The following MRTFB variants were observed in gnomAD, a reference collection of about 807,000 sequenced individuals.
The protein encoded by MRTFB is myocardin-related transcription factor B.
In MRTFB, 29 loss-of-function variants were observed where a neutral mutation model predicts 104.2. The observed-to-expected ratio is 0.28, with a 90% CI of 0.21 to 0.38. The LOEUF is 0.38. MRTFB is among the 10% of genes least tolerant of loss of function. The pLI, the probability that MRTFB is intolerant of heterozygous loss-of-function variation, is 1.00. For missense variants in MRTFB, 1,270 were observed against 1,341.6 expected, an observed-to-expected ratio of 0.95 and a Z score of 0.83; for synonymous variants, 535 against 519.5, an observed-to-expected ratio of 1.03 and a Z score of -0.41.
At chr16:14,194,722 ATTATC>A (rs2040349954) in intron 3 of MRTFB, among the ~76,000 whole-genome samples, 1 of 132,932 alleles carries the variant, frequency 7.5e-6, no homozygotes, top group African/African-American at 3.0e-5. Flanking sequence ...TTTTTTTTTA[ATTATC>A]TTGTGGAAAG....
Position 14,246,744 on chromosome 16 carries a change from G to C in MRTFB, c.1484G>C (p.Arg495Pro), listed in dbSNP as rs756285133. The change falls in exon 12 of 17, where the codon CGT (arginine) becomes CCT (proline). Residue 495 changes from arginine (R) to proline (P), a missense_variant. Transcript: ENST00000571589. ...CCTACAGGAACCAGCAACGCAACCC[G>C]TGTGGAAAATGTTCATTCCCCTCTG... ...LPPTGTSNAT[R>P]VENVHSPLPI... 6.2e-7 allele frequency: 1 copy of C among 1,614,030 alleles called. No individual in the cohort carries two copies. Among genetic ancestry groups the C allele is most frequent in the African/African-American group, 1.3e-5 (1 of 74,922 alleles).
chr16:14,226,833 T>G lies in MRTFB; in HGVS notation c.694-7313T>G, dbSNP rs186923866. Reference sequence around the variant, plus strand: ...CTACAAAAAATAAAAATTAAAAAAATTAGCTGGGCATGGTGGCGTGCACCT... The same window carrying G: ...CTACAAAAAATAAAAATTAAAAAAAGTAGCTGGGCATGGTGGCGTGCACCT... On this transcript the variant is annotated intron_variant, in intron 8 of 16. Transcript: ENST00000571589. 4.1e-4 allele frequency among the ~76,000 whole-genome samples: 62 copies of G among 151,928 alleles called. 1 individual carries two copies. The East Asian group carries it at 9.5e-3, about 23-fold the overall frequency.
At chr16:14,112,681 T>C (rs910334896) in intron 2 of MRTFB, among the ~76,000 whole-genome samples, 2 of 152,248 alleles carry the variant, frequency 1.3e-5, no homozygotes, top group South Asian at 4.1e-4. Flanking sequence ...TTGCTGTTTC[T>C]GCTCCAGGCA....
At position 14,261,008 on chromosome 16, in the gene MRTFB, G is replaced by A. The variant is rs752930290; in HGVS notation, c.2864G>A (p.Arg955Gln). 1.4e-5 allele frequency: 23 copies of A among 1,613,938 alleles called. No homozygotes were observed. Among genetic ancestry groups the A allele is most frequent in the African/African-American group, 8.0e-5 (6 of 74,880 alleles). The change falls in exon 17 of 17, where the codon CGG (arginine) becomes CAG (glutamine). Residue 955 changes from arginine to glutamine, a missense_variant. Arg to Gln is a conservative substitution (Grantham distance 43). Transcript: ENST00000571589. ...ATGCCAGTGAATACAGTGGTGTCCC[G>A]GCCACCACCCCAAGTCCAAATGGCA... The part of the protein sequence containing the change: ...TTMPVNTVVS[R>Q]PPPQVQMAPP...
chr16:13,999,284 G>A, the MRTFB span, among the ~76,000 whole-genome samples: 13 of 151,940 alleles, frequency 8.6e-5, no homozygotes, highest in East Asian at 2.3e-3. Flanking sequence ...CCATATAACA[G>A]GTCGCTGCTT....
rs113935526 is a variant in MRTFB, at chr16:14,245,640, T to C, written c.1192T>C (p.Ser398Pro). Reference protein sequence around the residue: ...TPVRKPGPLPSSLDDLKVSEL... With the variant: ...TPVRKPGPLPPSLDDLKVSEL... ...TGTGAGAAAGCCAGGACCTCTGCCT[T>C]CTAGCCTGGATGACTTAAAGGTGAC... is the stretch of plus-strand genomic sequence containing the variant. Residue 398 changes from serine (S) to proline (P), a missense_variant, in exon 11 of 17, where the codon TCT becomes CCT. Ser to Pro is a moderately conservative substitution (Grantham distance 74). Coordinates refer to ENST00000571589, the MANE Select transcript of MRTFB (RefSeq NM_001308142.2). The C allele has an allele frequency of 5.6e-3, 8,977 of 1,613,624 alleles. 40 individuals carry two copies. The highest frequency in any genetic ancestry group is 6.6e-3 in the Non-Finnish European group (7,844 of 1,179,892).
chr16:14,031,169 A>G, the MRTFB span, among the ~76,000 whole-genome samples: 1 of 152,206 alleles, frequency 6.6e-6, no homozygotes. Flanking sequence ...AGGAGGGAGA[A>G]TCACTTGAGG....
chr16:14,192,313 G>GC (rs1283846215), intron 3 of MRTFB, among the ~76,000 whole-genome samples: 2 of 152,094 alleles, frequency 1.3e-5, no homozygotes, highest in African/African-American at 2.4e-5. Flanking sequence ...GTTTGAGGCT[G>GC]CAGTAAGCTG....
At chr16:14,066,427 C>T (rs1223008490), upstream of MRTFB, among the ~76,000 whole-genome samples, 4 of 151,826 alleles carry the variant, frequency 2.6e-5, no homozygotes, top group Non-Finnish European at 5.9e-5. Context: ...GTGCATGCCA[C>T]CACACCTGGC....
At chr16:14,050,784 G>C in the MRTFB span, among the ~76,000 whole-genome samples, 3 of 151,990 alleles carry the variant, frequency 2.0e-5, no homozygotes, top group Non-Finnish European at 4.4e-5. Context: ...ATAACACAGC[G>C]TACTCCAGGT....
chr16:14,200,944 CA>C, intron 3 of MRTFB: 1 of 1,438,782 alleles, frequency 7.0e-7, no homozygotes, highest in Non-Finnish European at 9.8e-7. Context: ...GTTTTTAAGA[CA>C]AAACACTGGA....
chr16:14,118,854 A>G (rs1247307092), intron 2 of MRTFB, among the ~76,000 whole-genome samples: 1 of 152,052 alleles, frequency 6.6e-6, no homozygotes, highest in East Asian at 1.9e-4. Flanking sequence ...TACTGTGTAT[A>G]TATTTCTGTG....
chr16:14,128,410 A>G (rs2037265284), intron 2 of MRTFB, among the ~76,000 whole-genome samples: 1 of 152,196 alleles, frequency 6.6e-6, no homozygotes, highest in Non-Finnish European at 1.5e-5. Flanking sequence ...GACAACTGAA[A>G]TAACCGTTAC....
intron 9 of MRTFB, among the ~76,000 whole-genome samples, chr16:14,238,972 T>G (rs943010941): frequency 5.3e-5 from 8 of 152,178 alleles, no homozygotes; most frequent in African/African-American, 1.9e-4. Context: ...ATGGTGTAAA[T>G]ATTCCCACAG....
At chr16:14,039,589 A>G in the MRTFB span, among the ~76,000 whole-genome samples, 8 of 151,956 alleles carry the variant, frequency 5.3e-5, no homozygotes, top group Non-Finnish European at 1.2e-4. Context: ...ATATTTGTAC[A>G]TATATATACA....
intron 3 of MRTFB, among the ~76,000 whole-genome samples, chr16:14,203,108 G>A (rs1316780008): frequency 6.6e-6 from 1 of 151,842 alleles, no homozygotes; most frequent in East Asian, 1.9e-4. Context: ...TCCATCTTCA[G>A]AGATGGTTCA....
chr16:14,124,745 G>C (rs902281471), intron 2 of MRTFB, among the ~76,000 whole-genome samples: 10 of 152,140 alleles, frequency 6.6e-5, no homozygotes, highest in African/African-American at 2.2e-4. Flanking sequence ...GTCTCTGCCA[G>C]GTTTTACGGT....
intron 9 of MRTFB, among the ~76,000 whole-genome samples, chr16:14,234,940 T>TAA (rs1247177750): frequency 1.2e-4 from 18 of 152,290 alleles, no homozygotes; most frequent in African/African-American, 4.1e-4. Context: ...GTGAGGAGAA[T>TAA]AAAGTGAGGA....
intron 4 of MRTFB, among the ~76,000 whole-genome samples, chr16:14,211,057 T>C (rs896679336): frequency 6.6e-6 from 1 of 152,194 alleles, no homozygotes; most frequent in African/African-American, 2.4e-5. Flanking sequence ...TAGAAAGAAA[T>C]TACAGCATTA....
Sources: gnomAD v4.1 joint callset for allele counts (sites outside exome capture counted in the v4.1 genomes callset) on GRCh38, gnomAD v4.1.1 for gene constraint, MANE v1.5 for transcripts, NCBI Gene and HGNC (gene_info 2026-07-23, HGNC 2026-07-21) for gene names.